CCR6: variants seen among roughly 807,000 people sequenced by gnomAD.
The protein encoded by CCR6 is C-C motif chemokine receptor 6.
A neutral mutation model predicts 3.0 loss-of-function variants in CCR6; 2 were observed. The observed-to-expected ratio is 0.66, with a 90% CI of 0.27 to 2.07. The LOEUF (loss-of-function observed/expected upper bound fraction) is 2.07. CCR6 is among the 30% of genes most tolerant of loss of function. The probability of loss-of-function intolerance (pLI) is 0.14; values close to 1 mark genes in which losing one functional copy is unlikely to be tolerated. For synonymous variants in CCR6, 193 were observed against 184.3 expected, an observed-to-expected ratio of 1.05 and a Z score of -0.38; for missense variants, 322 against 462.8, an observed-to-expected ratio of 0.70 and a Z score of 2.79.
chr6:167,133,772 T>C (rs1458253165), intron 1 of CCR6, among the ~76,000 whole-genome samples: 3 of 151,696 alleles, frequency 2.0e-5, no homozygotes, highest in Non-Finnish European at 2.9e-5. Flanking sequence ...GATAAATTTC[T>C]CCATTAATTT....
rs185434018 is a variant in CCR6 at position 167,114,677 on chromosome 6, G to A, written c.-98+2663G>A. Among the ~76,000 whole-genome samples, 46 of 152,330 alleles carry A rather than the reference G, an allele frequency of 3.0e-4. 1 individual carries two copies. The highest frequency in any genetic ancestry group is 5.1e-4 in the Non-Finnish European group (35 of 68,020). Reference sequence around the variant, plus strand: ...GCTGTAACCAGCCTGTGGCTCTGACGTCACCGTGCACACGTCACCCTTTTT... The same window carrying A: ...GCTGTAACCAGCCTGTGGCTCTGACATCACCGTGCACACGTCACCCTTTTT... On this transcript the variant is annotated intron_variant, in intron 1 of 2. Coordinates refer to the CCR6 transcript ENST00000400926.
At position 167,117,552 on chromosome 6, in the gene CCR6, G is replaced by A. The variant is rs144296396; in HGVS notation, c.-98+5538G>A. The stretch of plus-strand genomic sequence containing the variant: ...CTGCCTCAGCCTCCCGAGTAGCTGG[G>A]ACTACAGGCGCGCGCCACCACGCCC... On this transcript the variant is annotated intron_variant, in intron 1 of 2. Transcript: ENST00000400926. Among the ~76,000 whole-genome samples the A allele has an allele frequency of 3.9e-3, 594 of 151,508 alleles. 3 individuals are homozygous for A. The highest frequency in any genetic ancestry group is 0.014 in the African/African-American group (563 of 41,250).
intron 1 of CCR6, among the ~76,000 whole-genome samples, chr6:167,129,823 G>C (rs1781725214): frequency 6.6e-6 from 1 of 151,548 alleles, no homozygotes; most frequent in Admixed American, 6.6e-5. Flanking sequence ...CATTCAGGTG[G>C]GGGGTGACAA....
intron 1 of CCR6, among the ~76,000 whole-genome samples, chr6:167,112,744 G>C (rs556047967): frequency 1.3e-5 from 2 of 152,250 alleles, no homozygotes; most frequent in South Asian, 2.1e-4. Flanking sequence ...AAGAGCCACA[G>C]CGTGCTGACG....
chr6:167,130,836 A>G lies in CCR6; in HGVS notation c.-97-5202A>G, dbSNP rs1469419997. 2.4e-4 allele frequency among the ~76,000 whole-genome samples: 36 copies of G among 147,164 alleles called. 4 individuals are homozygous for G. Among genetic ancestry groups the G allele is most frequent in the African/African-American group, 9.5e-4 (36 of 37,826 alleles). On this transcript the variant is annotated intron_variant, in intron 1 of 2. Coordinates refer to ENST00000341935, the MANE Select transcript of CCR6 (RefSeq NM_031409.4). Reference sequence around the variant, plus strand: ...ATTAAAGTAGTGTCTTATGAACAGGACGGAGTAGGCCAGCTTCTCATAGCT... The same window carrying G: ...ATTAAAGTAGTGTCTTATGAACAGGGCGGAGTAGGCCAGCTTCTCATAGCT...
At position 167,136,419 on chromosome 6, in the gene CCR6, G is replaced by A; in HGVS notation, c.189G>A (p.Gly63=). ...YSLICVFGLL[G]NILVVITFAF... ...TGATCTGTGTCTTTGGCCTCCTGGG[G>A]AATATTCTGGTGGTGATCACCTTTG... Residue 63 remains glycine, a synonymous_variant, in exon 3 of 3, where the codon GGG becomes GGA. Coordinates refer to ENST00000341935, the MANE Select transcript of CCR6 (RefSeq NM_031409.4). The surrounding 1 kb of genome is among the most constrained non-coding windows in gnomAD (Gnocchi z 4.6). 1 of 1,613,464 alleles carries A rather than the reference G, an allele frequency of 6.2e-7. No individual in the cohort carries two copies. Among genetic ancestry groups the A allele is most frequent in the Non-Finnish European group, 8.5e-7 (1 of 1,179,784 alleles).
intron 1 of CCR6, chr6:167,127,403 ATCTTATTAATG>A (rs1194378467): frequency 2.6e-5 from 4 of 152,362 alleles, no homozygotes; most frequent in African/African-American, 7.2e-5. Flanking sequence ...TGTAGTTAGC[ATCTTATTAATG>A]TCTTAATATA....
At chr6:167,121,683 C>T (rs530750278), upstream of CCR6, among the ~76,000 whole-genome samples, 17 of 152,238 alleles carry the variant, frequency 1.1e-4, no homozygotes, top group South Asian at 8.3e-4. Context: ...TGGGGAGGAG[C>T]GCCCCAGGGC....
In CCR6 at chr6:167,136,502, C is replaced by G; in HGVS notation, c.272C>G (p.Ala91Gly). 2 of 1,590,132 alleles carry G rather than the reference C, an allele frequency of 1.3e-6. No homozygotes were observed. Reference protein sequence around the residue: ...TDVYLLNMAIADILFVLTLPF... With the variant: ...TDVYLLNMAIGDILFVLTLPF... ...GTCTATCTCTTGAACATGGCCATTG[C>G]AGACATCCTCTTTGTTCTTACTCTC... The change falls in exon 3 of 3, where the codon GCA becomes GGA. Residue 91 changes from alanine (A) to glycine (G), a missense_variant. By Grantham distance (60) the Ala-to-Gly change is moderately conservative. Coordinates refer to ENST00000341935, the MANE Select transcript of CCR6 (RefSeq NM_031409.4). The surrounding 1 kb of genome is among the most constrained non-coding windows in gnomAD (Gnocchi z 4.6).
upstream of CCR6, chr6:167,119,096 G>C (rs1447210277): frequency 1.3e-5 from 2 of 152,624 alleles, no homozygotes; most frequent in Non-Finnish European, 2.9e-5. Flanking sequence ...GCCCCCACCT[G>C]TCCTTACTGC....
upstream of CCR6, among the ~76,000 whole-genome samples, chr6:167,122,534 A>G (rs1781605169): frequency 6.6e-6 from 1 of 152,174 alleles, no homozygotes; most frequent in African/African-American, 2.4e-5. The surrounding 1 kb of genome is among the most constrained non-coding windows in gnomAD (Gnocchi z 4.2). Context: ...GCTGAGATGC[A>G]TGGAGAACCA....
At chr6:167,112,771 A>G (rs1781435353) in intron 1 of CCR6, among the ~76,000 whole-genome samples, 1 of 152,084 alleles carries the variant, frequency 6.6e-6, no homozygotes, top group Non-Finnish European at 1.5e-5. Flanking sequence ...GGATGGGGTG[A>G]GGTGGGGGAG....
In CCR6 at chr6:167,137,275, G is replaced by T; in HGVS notation, c.1045G>T (p.Ala349Ser). ...RKYKSSGFSC[A>S]GRYSENISRQ... ...GTACAAGTCCTCAGGCTTCTCCTGT[G>T]CCGGGAGGTACTCAGAAAACATTTC... The change falls in exon 3 of 3, where the codon GCC becomes TCC. Residue 349 changes from alanine (A) to serine (S), a missense_variant. Physicochemically the swap from Ala to Ser is moderately conservative, Grantham distance 99. Transcript: ENST00000341935. The surrounding 1 kb of genome is among the most constrained non-coding windows in gnomAD (Gnocchi z 4.6). 1 of 1,614,138 alleles carries T rather than the reference G, an allele frequency of 6.2e-7. No individual in the cohort carries two copies. The highest frequency in any genetic ancestry group is 8.5e-7 in the Non-Finnish European group (1 of 1,180,018).
rs542860552 is a variant in CCR6, at chr6:167,135,394, C to T, written c.-97-644C>T. ...CTGGAATGTCTACTGGAAAGGTCTG[C>T]GGCTGTGGAGAAGCAGGTGCATTCC... On this transcript the variant is annotated intron_variant, in intron 1 of 2. Transcript: ENST00000341935. 1.7e-4 allele frequency among the ~76,000 whole-genome samples: 26 copies of T among 152,332 alleles called. No individual in the cohort carries two copies. The South Asian group carries it at 3.1e-3, about 18-fold the overall frequency.
At chr6:167,115,687 A>C (rs951816284) in intron 1 of CCR6, 1 of 152,260 alleles carries the variant, frequency 6.6e-6, no homozygotes. Flanking sequence ...AGTGATATCC[A>C]TAATAGTCAC....
intron 1 of CCR6, among the ~76,000 whole-genome samples, chr6:167,127,639 A>C (rs761853598): frequency 1.3e-5 from 2 of 152,234 alleles, no homozygotes; most frequent in Non-Finnish European, 2.9e-5. Flanking sequence ...TATAGATCTT[A>C]CCTAATGTCA....
chr6:167,134,741 G>T (rs1159382079), intron 1 of CCR6, among the ~76,000 whole-genome samples: 1 of 152,192 alleles, frequency 6.6e-6, no homozygotes, highest in Non-Finnish European at 1.5e-5. Flanking sequence ...AGGCCCACGT[G>T]GTGCGAGAGC....
intron 1 of CCR6, chr6:167,134,792 C>G (rs1002610438): frequency 6.6e-6 from 1 of 152,262 alleles, no homozygotes; most frequent in African/African-American, 2.4e-5. Context: ...CTGGGAAGCA[C>G]ATCCAACGTC....
At chr6:167,125,877 A>G (rs1296582812) in intron 1 of CCR6, among the ~76,000 whole-genome samples, 1 of 152,238 alleles carries the variant, frequency 6.6e-6, no homozygotes, top group Non-Finnish European at 1.5e-5. Context: ...TTTAAATGCT[A>G]TGTAAGAAAT....
Sources: allele counts gnomAD v4.1 joint callset (sites outside exome capture counted in the v4.1 genomes callset), GRCh38; gene constraint gnomAD v4.1.1; non-coding constraint Gnocchi (gnomAD v3.1); transcripts MANE v1.5; gene names NCBI Gene and HGNC (gene_info 2026-07-23, HGNC 2026-07-21).